The following TSC22D2 variants were observed in gnomAD, a reference collection of about 807,000 sequenced individuals.
TSC22D2 encodes TSC22 domain family member 2, also known as TSC22 domain family protein 2.
In TSC22D2, 5 loss-of-function variants were observed where a neutral mutation model predicts 50.1. The observed-to-expected ratio is 0.10, with a 90% CI of 0.05 to 0.21. The LOEUF (loss-of-function observed/expected upper bound fraction) is 0.21, where lower values mean the gene tolerates loss of function less well. Ranked by LOEUF, TSC22D2 falls within the 10% of genes least tolerant of loss-of-function variation. The pLI is 1.00. For missense variants in TSC22D2, 1,003 were observed against 1,015.5 expected (o/e 0.99, Z 0.17); for synonymous variants, 501 against 450.1 (o/e 1.11, Z -1.43).
In TSC22D2 at chr3:150,410,023, G is replaced by C. The variant is rs953352867; in HGVS notation, c.673G>C (p.Val225Leu). The C allele has an allele frequency of 6.2e-7, 1 of 1,613,320 alleles. No homozygotes were observed. Among genetic ancestry groups the C allele is most frequent in the Admixed American group, 1.7e-5 (1 of 60,012 alleles). The change falls in exon 1 of 3, where the codon GTG becomes CTG. Residue 225 changes from valine (V) to leucine (L), a missense_variant. Val to Leu is a conservative substitution (Grantham distance 32). This residue lies in a region of TSC22D2 where 696 missense variants were observed against 647.8 expected (regional missense o/e 1.07). Coordinates refer to ENST00000688009, the MANE Select transcript of TSC22D2 (RefSeq NM_001303264.2). ...CGGCCTGGGCGCCACCGGAGGGTCG[G>C]TGGTGGTAGTAGTGGCCTCCATGCA... is the stretch of plus-strand genomic sequence containing the variant. ...DSGLGATGGS[V>L]VVVVASMQGA...
chr3:150,428,969 C>G (rs541470510), intron 1 of TSC22D2, among the ~76,000 whole-genome samples: 7 of 152,190 alleles, frequency 4.6e-5, no homozygotes, highest in South Asian at 4.1e-4. Context: ...TTTAAAATGC[C>G]TACTCTGGAG....
Position 150,462,037 on chromosome 3 carries a change from C to CA in TSC22D2, c.*3405dup, listed in dbSNP as rs904737044. ...TTCTTTAATAATCCTATGAAAAGGA[C>CA]AAAACCCAGCCCTCAAAATTGACAA... is the stretch of plus-strand genomic sequence containing the variant. On this transcript the variant is annotated 3_prime_UTR_variant, in exon 3 of 3. Transcript: ENST00000688009. 4 of 152,056 alleles carry CA rather than the reference C, an allele frequency of 2.6e-5. No individual in the cohort carries two copies. Among genetic ancestry groups the CA allele is most frequent in the Non-Finnish European group, 2.9e-5 (2 of 68,026 alleles). 9.4% of individuals were successfully genotyped at this position (152,056 alleles called of 1,614,324 possible). A position where few individuals can be genotyped will look rare whatever the true frequency, so the allele number is the denominator to read the frequency against.
chr3:150,409,733 C>T lies in TSC22D2; in HGVS notation c.383C>T (p.Ala128Val), dbSNP rs1465392233. ...ACCCTGGCGGCGGCTGCCACTTCGG[C>T]CCCCGCCCCCGGAGCACCCGGCGGC... ...ASTLAAAATSAPAPGAPGGPQ... is the reference protein window; with the variant it reads ...ASTLAAAATSVPAPGAPGGPQ... The change falls in exon 1 of 3, where the codon GCC (alanine) becomes GTC (valine). Residue 128 changes from alanine (A) to valine (V), a missense_variant. Ala to Val is a moderately conservative substitution (Grantham distance 64). Around this residue, in one of 6 missense-constraint regions of TSC22D2, gnomAD observed 200 missense variants for 182.8 expected, o/e 1.09. Coordinates refer to ENST00000688009, the MANE Select transcript of TSC22D2 (RefSeq NM_001303264.2). The surrounding 1 kb of genome is among the most constrained non-coding windows in gnomAD (Gnocchi z 7.4). The T allele has an allele frequency of 6.2e-7, 1 of 1,600,294 alleles. No individual in the cohort carries two copies. The highest frequency in any genetic ancestry group is 8.5e-7 in the Non-Finnish European group (1 of 1,177,120).
intron 1 of TSC22D2, among the ~76,000 whole-genome samples, chr3:150,445,004 T>C (rs1720833480): frequency 6.6e-6 from 1 of 152,192 alleles, no homozygotes; most frequent in Non-Finnish European, 1.5e-5. Context: ...CATATAACAC[T>C]ACTAAAGGAA....
In TSC22D2 at chr3:150,409,997, G is replaced by A; in HGVS notation, c.647G>A (p.Ser216Asn). 6.2e-7 allele frequency: 1 copy of A among 1,613,724 alleles called. No individual in the cohort carries two copies. Among genetic ancestry groups the A allele is most frequent in the Non-Finnish European group, 8.5e-7 (1 of 1,180,042 alleles). ...STFDQTAERD[S>N]GLGATGGSVV... ...TTTGACCAGACTGCGGAGCGGGACA[G>A]CGGCCTGGGCGCCACCGGAGGGTCG... The change falls in exon 1 of 3, where the codon AGC becomes AAC. Residue 216 changes from serine (S) to asparagine (N), a missense_variant. By Grantham distance (46) the Ser-to-Asn change is conservative. Around this residue, in one of 6 missense-constraint regions of TSC22D2, gnomAD observed 696 missense variants for 647.8 expected, o/e 1.07. Transcript: ENST00000688009. This position sits in a 1 kb window ranked among gnomAD's most constrained non-coding sequence, Gnocchi z 7.4.
At chr3:150,439,804 A>C (rs1720658621) in intron 1 of TSC22D2, among the ~76,000 whole-genome samples, 1 of 152,202 alleles carries the variant, frequency 6.6e-6, no homozygotes, top group African/African-American at 2.4e-5. Context: ...GAAATTTCTA[A>C]TGAGAACATT....
rs1228230267 is a variant in TSC22D2 at position 150,465,235 on chromosome 3, T to C, written c.*6599T>C. ...CTTCTACTTTTTGGTTACTCCCTTT[T>C]AGAAATTGGAAGCTATGAAGCTATA... On this transcript the variant is annotated 3_prime_UTR_variant, in exon 3 of 3. Coordinates refer to ENST00000688009, the MANE Select transcript of TSC22D2 (RefSeq NM_001303264.2). The C allele has an allele frequency of 6.6e-6, 1 of 152,216 alleles. No individual in the cohort carries two copies. The highest frequency in any genetic ancestry group is 2.4e-5 in the African/African-American group (1 of 41,458). The allele number at this position is 152,216 out of a possible 1,614,324, so 9.4% of individuals were successfully genotyped here.
intron 1 of TSC22D2, among the ~76,000 whole-genome samples, chr3:150,446,633 T>C (rs1720899026): frequency 6.6e-6 from 1 of 152,102 alleles, no homozygotes; most frequent in Admixed American, 6.5e-5. Flanking sequence ...CAATATGATA[T>C]ATTCTGTTCA....
chr3:150,450,320 G>A (rs1218618785), intron 1 of TSC22D2, among the ~76,000 whole-genome samples: 2 of 151,968 alleles, frequency 1.3e-5, no homozygotes, highest in East Asian at 1.9e-4. Context: ...ACACCATTGC[G>A]GGACTGGCTA....
intron 1 of TSC22D2, among the ~76,000 whole-genome samples, chr3:150,445,316 A>AAATAATAAT (rs139705131): frequency 8.4e-5 from 12 of 142,542 alleles, no homozygotes; most frequent in East Asian, 6.1e-4. Context: ...TCTGTCTCAA[A>AAATAATAAT]AATAATAATA....
At chr3:150,414,324 T>C (rs1210080808) in intron 1 of TSC22D2, among the ~76,000 whole-genome samples, 2 of 152,214 alleles carry the variant, frequency 1.3e-5, no homozygotes, top group Non-Finnish European at 2.9e-5. Flanking sequence ...ACTTTTATAG[T>C]GAACTTTACA....
chr3:150,429,756 T>A (rs1257744258), intron 1 of TSC22D2, among the ~76,000 whole-genome samples: 4 of 152,176 alleles, frequency 2.6e-5, no homozygotes, highest in Non-Finnish European at 5.9e-5. Context: ...ATTAGATGCC[T>A]GGTCATATTA....
In TSC22D2 at chr3:150,459,107, A is replaced by G; in HGVS notation, c.*471A>G. 1 of 152,942 alleles carries G rather than the reference A, an allele frequency of 6.5e-6. No individual in the cohort carries two copies. 9.5% of individuals were successfully genotyped at this position (152,942 alleles called of 1,614,324 possible). A position where few individuals can be genotyped will look rare whatever the true frequency, so the allele number is the denominator to read the frequency against. On this transcript the variant is annotated 3_prime_UTR_variant, in exon 3 of 3. Transcript: ENST00000688009. ...CAGGGCTGCTATTTTCATAATGTAC[A>G]TGAACAATGTCACAGAACTTTTTTA...
At chr3:150,414,215 A>G (rs1719708572) in intron 1 of TSC22D2, among the ~76,000 whole-genome samples, 1 of 152,226 alleles carries the variant, frequency 6.6e-6, no homozygotes, top group Non-Finnish European at 1.5e-5. Flanking sequence ...GGCCATTTTC[A>G]TTAGAAAGGT....
Position 150,409,711 on chromosome 3 carries a change from C to G in TSC22D2, c.361C>G (p.Leu121Val). The G allele has an allele frequency of 6.3e-7, 1 of 1,589,766 alleles. No homozygotes were observed. Among genetic ancestry groups the G allele is most frequent in the Non-Finnish European group, 8.5e-7 (1 of 1,172,380 alleles). Residue 121 changes from leucine (L) to valine (V), a missense_variant, in exon 1 of 3, where the codon CTG (leucine) becomes GTG (valine). Transcript: ENST00000688009. The surrounding 1 kb of genome is among the most constrained non-coding windows in gnomAD (Gnocchi z 7.4). ...RSVSGALASTLAAAATSAPAP... is the reference protein window; with the variant it reads ...RSVSGALASTVAAAATSAPAP... ...CGTGTCTGGGGCGCTCGCCAGTACCCTGGCGGCGGCTGCCACTTCGGCCCC... is the reference window on the plus strand; with the variant it reads ...CGTGTCTGGGGCGCTCGCCAGTACCGTGGCGGCGGCTGCCACTTCGGCCCC...
At chr3:150,427,213 T>A (rs1439394689) in intron 1 of TSC22D2, among the ~76,000 whole-genome samples, 2 of 152,176 alleles carry the variant, frequency 1.3e-5, no homozygotes, top group Non-Finnish European at 1.5e-5. Context: ...TATTGAAGTA[T>A]AATTTGTATC....
chr3:150,437,663 C>T (rs942100739), intron 1 of TSC22D2, among the ~76,000 whole-genome samples: 2 of 151,788 alleles, frequency 1.3e-5, no homozygotes, highest in African/African-American at 4.8e-5. Context: ...AAAAAATTAG[C>T]CAGGCGTGGT....
rs1356193022 is a variant in TSC22D2, at chr3:150,460,242, T to TAAAG, written c.*1609_*1612dup. 7.2e-5 allele frequency: 11 copies of TAAAG among 152,224 alleles called. No individual in the cohort carries two copies. The highest frequency in any genetic ancestry group is 2.4e-4 in the African/African-American group (10 of 41,568). 9.4% of individuals were successfully genotyped at this position (152,224 alleles called of 1,614,324 possible). A position where few individuals can be genotyped will look rare whatever the true frequency, so the allele number is the denominator to read the frequency against. ...CTTAAATTTTCAAAGTAAAACAATT[T>TAAAG]AAAGAATGCAAAAATAGTGAGCAAT... On this transcript the variant is annotated 3_prime_UTR_variant, in exon 3 of 3. Transcript: ENST00000688009.
Position 150,462,518 on chromosome 3 carries a change from A to G in TSC22D2, c.*3882A>G, listed in dbSNP as rs1452819758. Reference sequence around the variant, plus strand: ...AATGAAAGGGCAAAATTACATAGGCAATTTTGTGAAGGTCATGAAGGAAGT... The same window carrying G: ...AATGAAAGGGCAAAATTACATAGGCGATTTTGTGAAGGTCATGAAGGAAGT... On this transcript the variant is annotated 3_prime_UTR_variant, in exon 3 of 3. Coordinates refer to ENST00000688009, the MANE Select transcript of TSC22D2 (RefSeq NM_001303264.2). 1 of 152,126 alleles carries G rather than the reference A, an allele frequency of 6.6e-6. No individual in the cohort carries two copies. Among genetic ancestry groups the G allele is most frequent in the Non-Finnish European group, 1.5e-5 (1 of 68,014 alleles). The allele number at this position is 152,126 out of a possible 1,614,324, so 9.4% of individuals were successfully genotyped here.
Sources: allele counts gnomAD v4.1 joint callset (sites outside exome capture counted in the v4.1 genomes callset), GRCh38; gene constraint gnomAD v4.1.1; regional missense constraint gnomAD v4.1.1; non-coding constraint Gnocchi (gnomAD v3.1); transcripts MANE v1.5; gene names NCBI Gene and HGNC (gene_info 2026-07-23, HGNC 2026-07-21).